Variants in IL1R1 observed in about 807,000 individuals in gnomAD.
The protein encoded by IL1R1 is interleukin 1 receptor type 1.
IL1R1 carries 22 observed loss-of-function variants against 50.2 expected under a neutral mutation model. The observed-to-expected ratio is 0.44, with a 90% confidence interval of 0.31 to 0.63. The LOEUF (loss-of-function observed/expected upper bound fraction) is 0.63, where lower values mean the gene tolerates loss of function less well. Among genes scored for constraint, IL1R1 ranks in the 20% least tolerant of loss-of-function variants. The pLI is 0.07. For synonymous variants in IL1R1, 251 were observed against 236.7 expected (o/e 1.06, Z -0.55); for missense variants, 509 against 676.2 (o/e 0.75, Z 2.74).
At chr2:102,139,408 G>T (rs1017878839), upstream of IL1R1, among the ~76,000 whole-genome samples, 5 of 152,236 alleles carry the variant, frequency 3.3e-5, no homozygotes, top group African/African-American at 1.2e-4. Context: ...CTATGACCCT[G>T]GTGGTGTCCA....
At chr2:102,150,555 C>T (rs1044376647) in intron 1 of IL1R1, among the ~76,000 whole-genome samples, 5 of 152,204 alleles carry the variant, frequency 3.3e-5, no homozygotes, top group African/African-American at 9.7e-5. Flanking sequence ...GCTGTAGTCA[C>T]GTTGTGATAC....
chr2:102,162,783 A>C (rs1684845898), intron 3 of IL1R1, among the ~76,000 whole-genome samples: 1 of 152,058 alleles, frequency 6.6e-6, no homozygotes, highest in South Asian at 2.1e-4. Flanking sequence ...TTTTTTATTT[A>C]AACACTCAGT....
Position 102,166,118 on chromosome 2 carries a change from C to A in IL1R1, c.492C>A (p.Cys164Ter). Residue 164 changes from cysteine (C) to a stop codon, truncating the protein, a stop_gained, in exon 6 of 12, where the codon TGC (cysteine) becomes TGA (stop). Transcript: ENST00000410023. LOFTEE classifies it high-confidence loss of function. ...ELPKLQWYKD[C>*]KPLLLDNIHF... Reference sequence around the variant, plus strand: ...TTCTCTCTCCCTTTATCTAGGATTGCAAACCTCTACTTCTTGACAATATAC... The same window carrying A: ...TTCTCTCTCCCTTTATCTAGGATTGAAAACCTCTACTTCTTGACAATATAC... 1 of 1,611,732 alleles carries A rather than the reference C, an allele frequency of 6.2e-7. No homozygotes were observed. The highest frequency in any genetic ancestry group is 8.5e-7 in the Non-Finnish European group (1 of 1,178,416).
intron 1 of IL1R1, among the ~76,000 whole-genome samples, chr2:102,129,127 C>CT (rs1681887607): frequency 6.6e-6 from 1 of 152,126 alleles, no homozygotes; most frequent in Admixed American, 6.6e-5. Context: ...GAGAGGAATA[C>CT]TTGAGCCCAG....
chr2:102,102,658 G>A (rs1364016323), upstream of IL1R1, among the ~76,000 whole-genome samples: 1 of 146,960 alleles, frequency 6.8e-6, no homozygotes, highest in Admixed American at 6.9e-5. Context: ...CCATTGTTGG[G>A]TATATTCCCA....
intron 7 of IL1R1, among the ~76,000 whole-genome samples, chr2:102,168,965 A>G (rs1685438046): frequency 6.6e-6 from 1 of 151,604 alleles, no homozygotes. Flanking sequence ...CTGGTACAGG[A>G]TTGGATTTCT....
chr2:102,150,812 ATGGAGAGGATG>A lies in IL1R1; in HGVS notation c.-83-3127_-83-3117del, dbSNP rs1683585605. Among the ~76,000 whole-genome samples, 3 of 152,318 alleles carry A rather than the reference ATGGAGAGGATG, an allele frequency of 2.0e-5. No homozygotes were observed. The South Asian group carries it at 6.2e-4, about 32-fold the overall frequency. On this transcript the variant is annotated intron_variant, in intron 1 of 11. Coordinates refer to ENST00000410023, the MANE Select transcript of IL1R1 (RefSeq NM_000877.4). The stretch of plus-strand genomic sequence containing the variant: ...CCCGCTGTCTTTCCTGGAAGCTGCT[ATGGAGAGGATG>A]TTAGCCAGTCCAGGGGTTTCACACA...
intron 1 of IL1R1, among the ~76,000 whole-genome samples, chr2:102,148,434 C>A (rs921925470): frequency 6.6e-6 from 1 of 152,194 alleles, no homozygotes; most frequent in South Asian, 2.1e-4. Flanking sequence ...TCGGATTTTA[C>A]CTCCCAGGGA....
At chr2:102,145,453 T>A (rs980273688) in intron 1 of IL1R1, among the ~76,000 whole-genome samples, 2 of 152,112 alleles carry the variant, frequency 1.3e-5, no homozygotes, top group Admixed American at 1.3e-4. Flanking sequence ...CTGGAGCTCT[T>A]TAAGGTCCCA....
intron 1 of IL1R1, among the ~76,000 whole-genome samples, chr2:102,114,441 AG>A (rs1356144071): frequency 2.6e-5 from 4 of 152,222 alleles, no homozygotes; most frequent in African/African-American, 4.8e-5. Context: ...TCAACAGTGA[AG>A]GAATGTGTAC....
chr2:102,163,624 A>G lies in IL1R1; in HGVS notation c.62-1150A>G, dbSNP rs554032438. Among the ~76,000 whole-genome samples the G allele has an allele frequency of 5.3e-5, 8 of 152,314 alleles. No individual in the cohort carries two copies. In the South Asian group the frequency reaches 1.7e-3, roughly 32 times the overall value. ...TTCCTGTAGCATCTTGAATAAATGG[A>G]ATACAATAGTAATAAACTATTTTAA... On this transcript the variant is annotated intron_variant, in intron 3 of 11. Transcript: ENST00000410023.
chr2:102,149,474 C>T (rs1368341942), intron 1 of IL1R1, among the ~76,000 whole-genome samples: 1 of 152,228 alleles, frequency 6.6e-6, no homozygotes, highest in Non-Finnish European at 1.5e-5. Flanking sequence ...TTGGCGGGCT[C>T]TGCTCTGCAG....
intron 1 of IL1R1, among the ~76,000 whole-genome samples, chr2:102,129,133 C>A (rs911641553): frequency 6.6e-6 from 1 of 152,164 alleles, no homozygotes; most frequent in Non-Finnish European, 1.5e-5. Context: ...AATACTTGAG[C>A]CCAGGAGATT....
At chr2:102,127,548 A>G (rs1180674671) in intron 1 of IL1R1, among the ~76,000 whole-genome samples, 2 of 152,122 alleles carry the variant, frequency 1.3e-5, no homozygotes, top group Non-Finnish European at 2.9e-5. Context: ...GAGGGGGTAG[A>G]CAGTTAATTA....
At chr2:102,137,248 C>T (rs1682397650) in intron 1 of IL1R1, among the ~76,000 whole-genome samples, 1 of 152,154 alleles carries the variant, frequency 6.6e-6, no homozygotes, top group African/African-American at 2.4e-5. Flanking sequence ...TTCCTGAGTA[C>T]AGTCATTGTT....
At chr2:102,098,694 A>G (rs1256166724) in intron 1 of IL1R1, among the ~76,000 whole-genome samples, 2 of 152,092 alleles carry the variant, frequency 1.3e-5, no homozygotes, top group Non-Finnish European at 2.9e-5. Flanking sequence ...TGTACATAGG[A>G]AAAAAAAGAG....
chr2:102,098,857 G>C (rs891522904), intron 1 of IL1R1, among the ~76,000 whole-genome samples: 3 of 152,136 alleles, frequency 2.0e-5, no homozygotes, highest in African/African-American at 7.2e-5. Flanking sequence ...AGAACCTTTG[G>C]AATCTTCCTG....
At chr2:102,086,343 G>A (rs1679428136) in intron 1 of IL1R1, among the ~76,000 whole-genome samples, 1 of 152,056 alleles carries the variant, frequency 6.6e-6, no homozygotes, top group South Asian at 2.1e-4. Context: ...TATGTGATGG[G>A]TCGTTTTTCT....
At chr2:102,126,855 C>T (rs1023720899) in intron 1 of IL1R1, among the ~76,000 whole-genome samples, 3 of 152,212 alleles carry the variant, frequency 2.0e-5, no homozygotes, top group Non-Finnish European at 4.4e-5. Context: ...CTCTCTGACT[C>T]ACCAGATCCC....
Sources: gnomAD v4.1 joint callset for allele counts (sites outside exome capture counted in the v4.1 genomes callset) on GRCh38, gnomAD v4.1.1 for gene constraint, MANE v1.5 for transcripts, NCBI Gene and HGNC (gene_info 2026-07-23, HGNC 2026-07-21) for gene names.